The following PRKD1 variants were observed in gnomAD, a reference collection of about 807,000 sequenced individuals.
PRKD1 encodes the protein serine/threonine-protein kinase D1.
Under a neutral mutation model 95.9 loss-of-function variants are expected in PRKD1, and 63 were observed. The ratio of observed to expected loss-of-function variants is 0.66; its 90% CI spans 0.54 to 0.81. The LOEUF (loss-of-function observed/expected upper bound fraction) is 0.81. PRKD1 is among the 30% of genes least tolerant of loss of function. The pLI is 0.00. For synonymous variants in PRKD1, 425 were observed against 423.1 expected, an observed-to-expected ratio of 1.00 and a Z score of -0.05; for missense variants, 1,048 against 1,165.3, an observed-to-expected ratio of 0.90 and a Z score of 1.47.
chr14:29,801,792 G>T (rs926948559), intron 1 of PRKD1, among the ~76,000 whole-genome samples: 1 of 152,132 alleles, frequency 6.6e-6, no homozygotes, highest in Non-Finnish European at 1.5e-5. Context: ...AGGTTCAAGC[G>T]TTTCTCCTGC....
At chr14:29,604,663 CTT>C (rs1248958602) in intron 13 of PRKD1, among the ~76,000 whole-genome samples, 4 of 152,132 alleles carry the variant, frequency 2.6e-5, no homozygotes, top group African/African-American at 9.7e-5. Context: ...ATTACTGTCT[CTT>C]ATAATTTATG....
At chr14:29,645,311 G>C (rs1197489167) in intron 4 of PRKD1, among the ~76,000 whole-genome samples, 4 of 152,124 alleles carry the variant, frequency 2.6e-5, no homozygotes, top group African/African-American at 9.7e-5. Flanking sequence ...TCTGTGCTTA[G>C]ATGATAGGAC....
chr14:29,839,153 T>C (rs952088071), intron 1 of PRKD1, among the ~76,000 whole-genome samples: 1 of 152,138 alleles, frequency 6.6e-6, no homozygotes, highest in Non-Finnish European at 1.5e-5. Flanking sequence ...ACAGCAGACA[T>C]AACACCACAG....
At chr14:29,615,867 G>A (rs1389013755) in intron 13 of PRKD1, among the ~76,000 whole-genome samples, 1 of 152,150 alleles carries the variant, frequency 6.6e-6, no homozygotes, top group African/African-American at 2.4e-5. Flanking sequence ...CACAAAGGGA[G>A]AGAGTATCTT....
At chr14:29,631,188 A>T (rs2273811) in intron 9 of PRKD1, among the ~76,000 whole-genome samples, 167 bp from the exon 10 acceptor site, 48,534 of 152,020 alleles carry the variant, frequency 0.32, 9,082 homozygotes, top group African/African-American at 0.52. Context: ...ATTAAAAAAA[A>T]TACCTTTACT....
At chr14:29,763,125 TA>T (rs36087571) in intron 1 of PRKD1, among the ~76,000 whole-genome samples, 1,692 of 64,818 alleles carry the variant, frequency 0.026, 47 homozygotes, top group African/African-American at 0.099. Context: ...TCTCTAAAAT[TA>T]AAAAAAAAAA....
At chr14:29,648,685 C>T (rs933166271) in intron 4 of PRKD1, among the ~76,000 whole-genome samples, 7 of 151,662 alleles carry the variant, frequency 4.6e-5, no homozygotes, top group African/African-American at 1.5e-4. Context: ...CAGGGAGTCT[C>T]GCTCTGTTGC....
At chr14:29,831,576 C>T (rs1475146435) in intron 1 of PRKD1, among the ~76,000 whole-genome samples, 1 of 150,880 alleles carries the variant, frequency 6.6e-6, no homozygotes, top group African/African-American at 2.4e-5. Context: ...TCAAGCGATT[C>T]TCCTGTCTCA....
rs180858783 is a variant in PRKD1, at chr14:29,767,977, T to C, written c.265-42303A>G. On this transcript the variant is annotated intron_variant, in intron 1 of 17. Coordinates refer to ENST00000331968, the MANE Select transcript of PRKD1 (RefSeq NM_002742.3). ...AGGTTAACATTTATTATCTACTGTT[T>C]TATAACAGAGCAAACAAGTGTGTCA... Among the ~76,000 whole-genome samples the C allele has an allele frequency of 3.2e-3, 486 of 152,322 alleles. 1 individual carries two copies. Among genetic ancestry groups the C allele is most frequent in the Non-Finnish European group, 5.6e-3 (384 of 68,016 alleles).
chr14:29,632,511 C>T (rs1473671625), intron 9 of PRKD1, among the ~76,000 whole-genome samples: 6 of 152,088 alleles, frequency 3.9e-5, no homozygotes, highest in African/African-American at 1.4e-4. Flanking sequence ...TAGCAGTGTG[C>T]TAGATGCAGT....
intron 1 of PRKD1, among the ~76,000 whole-genome samples, chr14:29,755,641 C>T (rs2139472793): frequency 6.6e-6 from 1 of 152,248 alleles, no homozygotes; most frequent in East Asian, 1.9e-4. Flanking sequence ...AACTCCTTGG[C>T]CTGAATAATA....
intron 13 of PRKD1, among the ~76,000 whole-genome samples, chr14:29,605,977 T>C (rs774384225): frequency 6.6e-6 from 1 of 152,194 alleles, no homozygotes; most frequent in Non-Finnish European, 1.5e-5. Context: ...TTCAGGAGTC[T>C]GATGACAAAT....
intron 2 of PRKD1, among the ~76,000 whole-genome samples, chr14:29,722,855 T>C (rs1018038094): frequency 6.6e-6 from 1 of 152,146 alleles, no homozygotes; most frequent in Non-Finnish European, 1.5e-5. Flanking sequence ...GACATGAATA[T>C]AATAAGTCGC....
At chr14:29,879,382 G>A (rs1235946726) in intron 1 of PRKD1, among the ~76,000 whole-genome samples, 1 of 152,140 alleles carries the variant, frequency 6.6e-6, no homozygotes, top group Non-Finnish European at 1.5e-5. Flanking sequence ...GGGTTTATCA[G>A]GGGCTTCCAC....
intron 2 of PRKD1, among the ~76,000 whole-genome samples, chr14:29,697,890 G>T (rs1485286168): frequency 6.6e-6 from 1 of 152,122 alleles, no homozygotes; most frequent in Non-Finnish European, 1.5e-5. Flanking sequence ...AGAAGACAGA[G>T]CACCTGAGAA....
In PRKD1 at chr14:29,895,117, G is replaced by T. The variant is rs536634410; in HGVS notation, c.264+32132C>A. Among the ~76,000 whole-genome samples the T allele has an allele frequency of 1.5e-4, 23 of 152,214 alleles. No individual in the cohort carries two copies. In the East Asian group the frequency reaches 4.5e-3, roughly 30 times the overall value. On this transcript the variant is annotated intron_variant, in intron 1 of 17. Coordinates refer to ENST00000331968, the MANE Select transcript of PRKD1 (RefSeq NM_002742.3). ...GAGGCTGAGGCAGGCAGATCACAAG[G>T]TCAGGGGTTCGAGACCAGCCTGGCC...
chr14:29,654,772 T>G (rs560456287), intron 4 of PRKD1, among the ~76,000 whole-genome samples: 1 of 152,304 alleles, frequency 6.6e-6, no homozygotes, highest in African/African-American at 2.4e-5. Context: ...CAGGACATGC[T>G]GAACATGGAG....
intron 9 of PRKD1, 99 bp downstream of exon 9, chr14:29,632,770 A>T: frequency 9.0e-7 from 1 of 1,117,204 alleles, no homozygotes; most frequent in Non-Finnish European, 1.3e-6. Context: ...GCACAAAAAT[A>T]GCCACGTTTG....
chr14:29,868,689 C>G (rs1892995991), intron 1 of PRKD1, among the ~76,000 whole-genome samples: 1 of 152,062 alleles, frequency 6.6e-6, no homozygotes, highest in African/African-American at 2.4e-5. Flanking sequence ...GAGTAAAGTG[C>G]AGCTTTTCAA....
Sources: allele counts gnomAD v4.1 joint callset (sites outside exome capture counted in the v4.1 genomes callset), GRCh38; gene constraint gnomAD v4.1.1; transcripts MANE v1.5; gene names NCBI Gene and HGNC (gene_info 2026-07-23, HGNC 2026-07-21).